The following ACBD6 variants were observed in gnomAD, a reference collection of about 807,000 sequenced individuals.
ACBD6 encodes acyl-CoA binding domain containing 6.
In ACBD6, 28 loss-of-function variants were observed where a neutral mutation model predicts 37.2. That is an observed-to-expected ratio of 0.75 (90% CI 0.56 to 1.03). The LOEUF (loss-of-function observed/expected upper bound fraction) is 1.03, where lower values mean the gene tolerates loss of function less well. Among genes scored for constraint, ACBD6 ranks in the 50% least tolerant of loss-of-function variants. ACBD6 has a pLI of 0.00. For synonymous variants in ACBD6, 113 were observed against 126.8 expected, an observed-to-expected ratio of 0.89 and a Z score of 0.73; for missense variants, 340 against 337.4, an observed-to-expected ratio of 1.01 and a Z score of -0.06.
At chr1:180,318,172 C>CA (rs200119609) in intron 6 of ACBD6, among the ~76,000 whole-genome samples, 10 of 106,372 alleles carry the variant, frequency 9.4e-5, no homozygotes, top group Middle Eastern at 4.2e-3. Context: ...CGCCCCCCCC[C>CA]CCCAAAAAAA....
intron 6 of ACBD6, among the ~76,000 whole-genome samples, chr1:180,350,023 C>CCTTTTTTTTTTTT (rs1652347912): frequency 1.5e-5 from 1 of 65,554 alleles, no homozygotes; most frequent in African/African-American, 4.1e-5. Flanking sequence ...TCCAGTGACC[C>CCTTTTTTTTTTTT]TTTTTTTTTT....
intron 6 of ACBD6, among the ~76,000 whole-genome samples, chr1:180,376,036 A>G (rs1653419063): frequency 6.6e-6 from 1 of 152,212 alleles, no homozygotes; most frequent in African/African-American, 2.4e-5. Flanking sequence ...GTGAACAGAT[A>G]GTTCACCAAA....
chr1:180,412,821 G>A (rs769087609), intron 5 of ACBD6, among the ~76,000 whole-genome samples: 5 of 152,048 alleles, frequency 3.3e-5, no homozygotes, highest in South Asian at 2.1e-4. Flanking sequence ...AGCTATGAGC[G>A]CACCCATGCA....
intron 6 of ACBD6, among the ~76,000 whole-genome samples, chr1:180,334,769 AT>A (rs1651634649): frequency 1.3e-5 from 2 of 152,184 alleles, no homozygotes; most frequent in African/African-American, 4.8e-5. Context: ...TTGAAAAAAA[AT>A]TAGACGAATG....
intron 6 of ACBD6, among the ~76,000 whole-genome samples, chr1:180,315,226 G>A (rs568695243): frequency 6.6e-6 from 1 of 152,200 alleles, no homozygotes; most frequent in Admixed American, 6.5e-5. Context: ...AAAGTAATGT[G>A]ATTTCAAAGC....
At chr1:180,364,526 G>A (rs1489808860) in intron 6 of ACBD6, among the ~76,000 whole-genome samples, 1 of 152,200 alleles carries the variant, frequency 6.6e-6, no homozygotes, top group Admixed American at 6.5e-5. Flanking sequence ...GAACTAAAAC[G>A]AGAGTGAGTT....
chr1:180,492,227 A>AT (rs767513023), intron 3 of ACBD6, 42 bp downstream of exon 3: 40 of 1,435,730 alleles, frequency 2.8e-5, no homozygotes, highest in Middle Eastern at 1.7e-4. Context: ...GAGAAGGATC[A>AT]TAAGTTTTTG....
intron 5 of ACBD6, among the ~76,000 whole-genome samples, chr1:180,397,907 G>T (rs1277884654): frequency 1.3e-5 from 2 of 152,232 alleles, no homozygotes; most frequent in Non-Finnish European, 2.9e-5. Flanking sequence ...ACAAAAATTA[G>T]CTGGGCATGG....
chr1:180,480,679 A>C (rs942099213), intron 3 of ACBD6, among the ~76,000 whole-genome samples: 1 of 152,234 alleles, frequency 6.6e-6, no homozygotes, highest in African/African-American at 2.4e-5. Flanking sequence ...TTGTAGAAGT[A>C]CTTGATTAGG....
intron 3 of ACBD6, among the ~76,000 whole-genome samples, chr1:180,474,590 T>A (rs1170916487): frequency 6.6e-6 from 1 of 152,200 alleles, no homozygotes; most frequent in Non-Finnish European, 1.5e-5. Context: ...TCTCTGATCC[T>A]TAGCTTCCTC....
intron 6 of ACBD6, among the ~76,000 whole-genome samples, chr1:180,389,133 T>A (rs989735538): frequency 1.3e-5 from 2 of 152,196 alleles, no homozygotes; most frequent in Non-Finnish European, 2.9e-5. Context: ...TAGGTATATC[T>A]CCTAATGTTA....
exon 10 of ACBD6, chr1:180,274,764 C>A: frequency 1.5e-6 from 1 of 677,568 alleles, no homozygotes; most frequent in South Asian, 2.1e-5. Context: ...CCTGGGGAAG[C>A]AGTGGGAGAG....
At chr1:180,325,043 C>T (rs1201168446) in intron 6 of ACBD6, among the ~76,000 whole-genome samples, 5 of 152,050 alleles carry the variant, frequency 3.3e-5, no homozygotes, top group Admixed American at 6.6e-5. Flanking sequence ...TTACCCTTGA[C>T]CTCTGGGAGC....
chr1:180,494,004 C>T (rs1651628051), intron 2 of ACBD6, among the ~76,000 whole-genome samples: 10 of 152,106 alleles, frequency 6.6e-5, no homozygotes. Flanking sequence ...ACTGGGGGCA[C>T]GTGATGTTAG....
intron 6 of ACBD6, among the ~76,000 whole-genome samples, chr1:180,348,375 A>G (rs1419461523): frequency 1.3e-5 from 2 of 152,214 alleles, no homozygotes; most frequent in African/African-American, 4.8e-5. Flanking sequence ...GGTCCAAAAA[A>G]TGAACGGAAA....
intron 9 of ACBD6, chr1:180,277,876 T>C (rs1054555075): frequency 7.2e-5 from 5 of 69,368 alleles, no homozygotes; most frequent in Admixed American, 3.5e-4. Context: ...TAAACTTTTT[T>C]TGGGGGGGGG....
intron 3 of ACBD6, among the ~76,000 whole-genome samples, chr1:180,430,982 T>TTTA (rs1648790041): frequency 1.3e-5 from 2 of 152,234 alleles, no homozygotes; most frequent in South Asian, 4.1e-4. Context: ...ATTGACAGCG[T>TTTA]TTAGTACAGG....
intron 3 of ACBD6, among the ~76,000 whole-genome samples, chr1:180,486,185 C>A (rs111940778): frequency 1.8e-3 from 275 of 152,290 alleles, no homozygotes; most frequent in Non-Finnish European, 2.9e-3. Context: ...CCCCTGACAA[C>A]AATCAGGCTT....
chr1:180,464,267 A>C (rs995179686), intron 3 of ACBD6, among the ~76,000 whole-genome samples: 2 of 152,214 alleles, frequency 1.3e-5, no homozygotes, highest in Non-Finnish European at 2.9e-5. Context: ...TGCAGACGAC[A>C]TGATTCCATA....
Sources: allele counts gnomAD v4.1 joint callset (sites outside exome capture counted in the v4.1 genomes callset), GRCh38; gene constraint gnomAD v4.1.1; transcripts MANE v1.5; gene names NCBI Gene and HGNC (gene_info 2026-07-23, HGNC 2026-07-21).